Variants in PTCH1 observed in about 807,000 individuals in gnomAD.
The protein encoded by PTCH1 is patched 1.
A neutral mutation model predicts 144.6 loss-of-function variants in PTCH1; 14 were observed. The observed-to-expected ratio is 0.10, with a 90% CI of 0.06 to 0.15. The LOEUF (loss-of-function observed/expected upper bound fraction) is 0.15. Ranked by LOEUF, PTCH1 falls within the 10% of genes least tolerant of loss-of-function variation. The pLI is 1.00. For missense variants in PTCH1, 1,623 were observed against 1,948.3 expected (o/e 0.83, Z 3.14); for synonymous variants, 833 against 793.6 (o/e 1.05, Z -0.83).
At chr9:95,515,676 C>T (rs979728524) in intron 1 of PTCH1, among the ~76,000 whole-genome samples, 2 of 152,226 alleles carry the variant, frequency 1.3e-5, no homozygotes, top group African/African-American at 4.8e-5. Context: ...ACTCTGCACT[C>T]TAAGCACTGG....
rs1837850187 is a variant in PTCH1 at position 95,445,973 on chromosome 9, A to G, written c.*420T>C. 6.1e-6 allele frequency: 1 copy of G among 162,704 alleles called. No individual in the cohort carries two copies. Among genetic ancestry groups the G allele is most frequent in the African/African-American group, 2.4e-5 (1 of 41,860 alleles). The allele number at this position is 162,704 out of a possible 1,614,324, so 10.1% of individuals were successfully genotyped here. ...ATATTTTAAACAGAAACCTTTACAAAATAATCCTATTACATAAGCAATATT... is the reference window on the plus strand; with the variant it reads ...ATATTTTAAACAGAAACCTTTACAAGATAATCCTATTACATAAGCAATATT... On this transcript the variant is annotated 3_prime_UTR_variant, in exon 24 of 24. Transcript: ENST00000331920.
In PTCH1 at chr9:95,491,272, G is replaced by C. The variant is rs936160003; in HGVS notation, c.395-5398C>G. On this transcript the variant is annotated intron_variant, in intron 2 of 23. Transcript: ENST00000331920. Reference sequence around the variant, plus strand: ...AAGCTGGGGCCAGCTGTACCAGACAGGCAGTGAGAATGGAAACCGGAAGAC... The same window carrying C: ...AAGCTGGGGCCAGCTGTACCAGACACGCAGTGAGAATGGAAACCGGAAGAC... Among the ~76,000 whole-genome samples the C allele has an allele frequency of 3.3e-5, 5 of 152,214 alleles. No individual in the cohort carries two copies. In the East Asian group the frequency reaches 9.6e-4, roughly 29 times the overall value.
intron 15 of PTCH1, among the ~76,000 whole-genome samples, chr9:95,466,841 C>T (rs1403642539): frequency 6.6e-6 from 1 of 152,192 alleles, no homozygotes; most frequent in Non-Finnish European, 1.5e-5. Flanking sequence ...AGCCTCGGCT[C>T]CACCTGTTAC....
intron 23 of PTCH1, 164 bp from the exon 24 acceptor site, chr9:95,446,555 C>G (rs1837908087): frequency 2.3e-6 from 1 of 439,950 alleles, no homozygotes; most frequent in African/African-American, 2.0e-5. Flanking sequence ...CTCCCTTCAT[C>G]TGGGGGCTGG....
intron 16 of PTCH1, among the ~76,000 whole-genome samples, chr9:95,460,904 C>T (rs1839396102): frequency 1.3e-5 from 2 of 152,262 alleles, no homozygotes. Context: ...TGGTCTGCTG[C>T]CTGCTGCTGT....
At chr9:95,498,345 G>C (rs1842925084) in intron 2 of PTCH1, among the ~76,000 whole-genome samples, 1 of 152,170 alleles carries the variant, frequency 6.6e-6, no homozygotes, top group African/African-American at 2.4e-5. Context: ...TTCTGGATTA[G>C]AAATAAGGTC....
intron 2 of PTCH1, among the ~76,000 whole-genome samples, chr9:95,501,000 T>C (rs1329940728): frequency 6.6e-5 from 10 of 152,150 alleles, no homozygotes; most frequent in Non-Finnish European, 1.2e-4. Flanking sequence ...CTAAGAAAAA[T>C]AGTTATCTGG....
At chr9:95,497,265 C>T (rs1435593509) in intron 2 of PTCH1, among the ~76,000 whole-genome samples, 1 of 152,202 alleles carries the variant, frequency 6.6e-6, no homozygotes, top group African/African-American at 2.4e-5. Context: ...TATTTGGGTA[C>T]TCCAATTTCC....
Position 95,480,165 on chromosome 9 carries a change from T to C in PTCH1, c.946-75A>G, listed in dbSNP as rs56236699. 8.7e-6 allele frequency: 14 copies of C among 1,601,180 alleles called. No homozygotes were observed. In the East Asian group the frequency reaches 3.1e-4, roughly 36 times the overall value. On this transcript the variant is annotated intron_variant, in intron 6 of 23. Coordinates refer to ENST00000331920, the MANE Select transcript of PTCH1 (RefSeq NM_000264.5). ...CATGCCTTGTTAAAATCCAGTGCAT[T>C]AAGGGCTTGTGTGTTTCAGAGAGAA... is the stretch of plus-strand genomic sequence containing the variant.
chr9:95,487,003 T>C (rs1461201311), intron 2 of PTCH1, among the ~76,000 whole-genome samples: 1 of 152,224 alleles, frequency 6.6e-6, no homozygotes, highest in East Asian at 1.9e-4. Flanking sequence ...TGATCATAGC[T>C]TTCCCACGAG....
At chr9:95,448,241 G>A (rs1332168978) in intron 22 of PTCH1, among the ~76,000 whole-genome samples, 2 of 152,244 alleles carry the variant, frequency 1.3e-5, no homozygotes, top group Non-Finnish European at 2.9e-5. Flanking sequence ...GTCGCGGGGG[G>A]TAGGAGGAGG....
At chr9:95,474,379 A>G (rs374642012) in intron 12 of PTCH1, among the ~76,000 whole-genome samples, 6 of 152,258 alleles carry the variant, frequency 3.9e-5, no homozygotes, top group African/African-American at 1.2e-4. Context: ...CTGCGCACAA[A>G]GGCATTCTAC....
At position 95,467,352 on chromosome 9, in the gene PTCH1, A is replaced by G; in HGVS notation, c.2324T>C (p.Leu775Pro). ...CCGAGGTACAATGTCCGTAAGGTCC[A>G]GCCCGTCTCTCACTCGGGTGGTGCC... ...LYGTTRVRDG[L>P]DLTDIVPRET... The change falls in exon 15 of 24, where the codon CTG becomes CCG. Residue 775 changes from leucine (L) to proline (P), a missense_variant. Leu to Pro is a moderately conservative substitution (Grantham distance 98). This residue lies in a region of PTCH1 where 504 missense variants were observed against 679.3 expected (regional missense o/e 0.74). Coordinates refer to ENST00000331920, the MANE Select transcript of PTCH1 (RefSeq NM_000264.5). 1 of 1,614,250 alleles carries G rather than the reference A, an allele frequency of 6.2e-7. No individual in the cohort carries two copies. The highest frequency in any genetic ancestry group is 8.5e-7 in the Non-Finnish European group (1 of 1,180,050).
chr9:95,455,347 T>C (rs1838817970), intron 19 of PTCH1, among the ~76,000 whole-genome samples: 1 of 152,248 alleles, frequency 6.6e-6, no homozygotes, highest in Non-Finnish European at 1.5e-5. Flanking sequence ...AAACCTGTGC[T>C]AGAGATTGCA....
chr9:95,449,048 T>C lies in PTCH1; in HGVS notation c.3804+21A>G. The C allele has an allele frequency of 2.5e-6, 4 of 1,613,340 alleles. No homozygotes were observed. The highest frequency in any genetic ancestry group is 3.4e-6 in the Non-Finnish European group (4 of 1,179,358). On this transcript the variant is annotated intron_variant, in intron 22 of 23. Coordinates refer to ENST00000331920, the MANE Select transcript of PTCH1 (RefSeq NM_000264.5). The surrounding 1 kb of genome is among the most constrained non-coding windows in gnomAD (Gnocchi z 5.3). ...ACCACGGTGGGAAGACCCCTCCCCC[T>C]GGTTCTGCAGAGTCACTTACAGTGG...
At chr9:95,466,331 G>A (rs1398572516) in intron 15 of PTCH1, among the ~76,000 whole-genome samples, 1 of 152,162 alleles carries the variant, frequency 6.6e-6, no homozygotes, top group Non-Finnish European at 1.5e-5. Flanking sequence ...ACAGGCGTGA[G>A]CCACTGTGCC....
chr9:95,478,251 C>G, intron 8 of PTCH1, 65 bp from the exon 9 acceptor site: 1 of 1,608,724 alleles, frequency 6.2e-7, no homozygotes, highest in South Asian at 1.1e-5. Context: ...CTCGACAGCA[C>G]AGATCTCAGG....
chr9:95,463,152 G>C (rs933569096), intron 15 of PTCH1, among the ~76,000 whole-genome samples: 1 of 148,886 alleles, frequency 6.7e-6, no homozygotes, highest in East Asian at 1.9e-4. Context: ...GACATGCCTT[G>C]GATGATTTCA....
Position 95,506,508 on chromosome 9 carries a change from C to T in PTCH1, c.293G>A (p.Cys98Tyr), listed in dbSNP as rs746435405. The change falls in exon 2 of 24, where the codon TGC becomes TAC. Residue 98 changes from cysteine (C) to tyrosine (Y), a missense_variant. Transcript: ENST00000331920. ...GAGGCCCACAACCAAGAACTTGCCG[C>T]AGTTTTTTTGAATGTAACAACCCAG... ...FKLGCYIQKN[C>Y]GKFLVVGLLI... 6.2e-7 allele frequency: 1 copy of T among 1,613,694 alleles called. No individual in the cohort carries two copies. Among genetic ancestry groups the T allele is most frequent in the African/African-American group, 1.3e-5 (1 of 74,926 alleles).
Sources: allele counts gnomAD v4.1 joint callset (sites outside exome capture counted in the v4.1 genomes callset), GRCh38; gene constraint gnomAD v4.1.1; regional missense constraint gnomAD v4.1.1; non-coding constraint Gnocchi (gnomAD v3.1); transcripts MANE v1.5; gene names NCBI Gene and HGNC (gene_info 2026-07-23, HGNC 2026-07-21).